The following PTP4A1 variants were observed in gnomAD, a reference collection of about 807,000 sequenced individuals.
The protein encoded by PTP4A1 is protein tyrosine phosphatase type IVA 1.
In PTP4A1, 9 loss-of-function variants were observed where a neutral mutation model predicts 20.5. That is an observed-to-expected ratio of 0.44 (90% CI 0.26 to 0.77). The LOEUF is 0.77. Among genes scored for constraint, PTP4A1 ranks in the 30% least tolerant of loss-of-function variants. The pLI, the probability that PTP4A1 is intolerant of heterozygous loss-of-function variation, is 0.19. For synonymous variants in PTP4A1, 78 were observed against 67.4 expected, an observed-to-expected ratio of 1.16 and a Z score of -0.77; for missense variants, 137 against 218.8, an observed-to-expected ratio of 0.63 and a Z score of 2.36.
At chr6:63,555,612 G>A (rs1384614477) in intron 3 of PTP4A1, among the ~76,000 whole-genome samples, 1 of 151,028 alleles carries the variant, frequency 6.6e-6, no homozygotes, top group African/African-American at 2.5e-5. Context: ...TATCAGCTTT[G>A]TATTACCAAA....
At chr6:63,560,092 A>G (rs1467913055) in intron 3 of PTP4A1, among the ~76,000 whole-genome samples, 1 of 152,208 alleles carries the variant, frequency 6.6e-6, no homozygotes, top group East Asian at 1.9e-4. Context: ...TTCATCATTT[A>G]CAATAGTGCC....
At position 63,574,877 on chromosome 6, in the gene PTP4A1, G is replaced by A. The variant is rs545488209; in HGVS notation, c.-445-1559G>A. On this transcript the variant is annotated intron_variant, in intron 1 of 5. Transcript: ENST00000626021. The stretch of plus-strand genomic sequence containing the variant: ...AATCTGTATTCACTGTAACTGTGAT[G>A]GCTTTGTAATTTAGACACTTAATTT... 3.9e-5 allele frequency among the ~76,000 whole-genome samples: 6 copies of A among 152,278 alleles called. No individual in the cohort carries two copies. In the South Asian group the frequency reaches 1.0e-3, roughly 26 times the overall value.
rs1477793473 is a variant in PTP4A1 at position 63,583,390 on chromosome 6, C to T, written c.*3216C>T. On this transcript the variant is annotated 3_prime_UTR_variant, in exon 6 of 6. Coordinates refer to ENST00000626021, the MANE Select transcript of PTP4A1 (RefSeq NM_003463.5). ...TGGTTTAAAAGTGGTTTAAAAGTGA[C>T]ATTTAATGTTTCTCCATTACGTTTG... 1.3e-5 allele frequency: 2 copies of T among 152,126 alleles called. No individual in the cohort carries two copies. The highest frequency in any genetic ancestry group is 2.9e-5 in the Non-Finnish European group (2 of 68,022). 9.4% of individuals were successfully genotyped at this position (152,126 alleles called of 1,614,324 possible).
At chr6:63,579,054 T>G in intron 4 of PTP4A1, 26 bp downstream of exon 4, 1 of 1,548,720 alleles carries the variant, frequency 6.5e-7, no homozygotes, top group African/African-American at 1.4e-5. Context: ...AATTTGATTC[T>G]AGGTAAAAAT....
chr6:63,551,248 T>C (rs1350562045), intron 3 of PTP4A1, among the ~76,000 whole-genome samples: 1 of 151,790 alleles, frequency 6.6e-6, no homozygotes, highest in Non-Finnish European at 1.5e-5. Flanking sequence ...GTATTTTTAG[T>C]AGAGACGGAG....
intron 2 of PTP4A1, among the ~76,000 whole-genome samples, chr6:63,536,922 G>C (rs1775754608): frequency 6.6e-6 from 1 of 152,076 alleles, no homozygotes; most frequent in Non-Finnish European, 1.5e-5. Flanking sequence ...AAAGCTCTAT[G>C]ACTTAATTCT....
intron 1 of PTP4A1, among the ~76,000 whole-genome samples, chr6:63,524,454 C>T (rs961601756): frequency 6.6e-6 from 1 of 151,954 alleles, no homozygotes; most frequent in Non-Finnish European, 1.5e-5. Flanking sequence ...CTTTATTATA[C>T]CTTGAGTTTA....
upstream of PTP4A1, among the ~76,000 whole-genome samples, chr6:63,519,420 A>G (rs933376435): frequency 2.6e-5 from 4 of 152,184 alleles, no homozygotes; most frequent in Non-Finnish European, 2.9e-5. Context: ...CTCTTTTCAT[A>G]GCTTTTTGGA....
At chr6:63,572,790 T>C in intron 1 of PTP4A1, 71 bp downstream of exon 1, 1 of 397,838 alleles carries the variant, frequency 2.5e-6, no homozygotes, top group Non-Finnish European at 4.4e-6. Flanking sequence ...CGCTGTCGCC[T>C]TTGTTCGGAG....
intron 2 of PTP4A1, 152 bp from the exon 3 acceptor site, chr6:63,578,285 C>T: frequency 2.1e-6 from 2 of 947,144 alleles, no homozygotes; most frequent in Non-Finnish European, 2.8e-6. Context: ...ACAAAATTTG[C>T]TTTTGTGTTA....
In PTP4A1 at chr6:63,572,597, C is replaced by T; in HGVS notation, c.-568C>T. ...CCCGCCGCCGCCTGCATCGCCGCCA[C>T]CGCCGCTCCGCCACGACCACCGCCG... On this transcript the variant is annotated 5_prime_UTR_variant, in exon 1 of 6. Coordinates refer to ENST00000626021, the MANE Select transcript of PTP4A1 (RefSeq NM_003463.5). The T allele has an allele frequency of 2.4e-6, 1 of 418,982 alleles. No individual in the cohort carries two copies. The highest frequency in any genetic ancestry group is 1.1e-4 in the South Asian group (1 of 9,518). The allele number at this position is 418,982 out of a possible 1,614,324, so 26.0% of individuals were successfully genotyped here.
intron 3 of PTP4A1, among the ~76,000 whole-genome samples, chr6:63,555,590 C>T (rs1776644203): frequency 6.6e-6 from 1 of 152,118 alleles, no homozygotes; most frequent in Non-Finnish European, 1.5e-5. Context: ...GATTTTGTCT[C>T]ACTGCATGAC....
At chr6:63,549,300 A>T in intron 2 of PTP4A1, 1 of 754,204 alleles carries the variant, frequency 1.3e-6, no homozygotes, top group South Asian at 1.4e-5. Context: ...CCACTTACAG[A>T]GGATGGCTCT....
intron 3 of PTP4A1, among the ~76,000 whole-genome samples, chr6:63,554,769 A>G (rs1039096703): frequency 9.9e-5 from 15 of 152,194 alleles, no homozygotes; most frequent in African/African-American, 3.6e-4. Flanking sequence ...CCTGGGTGAC[A>G]GAGTGAAAGT....
At chr6:63,536,126 G>C (rs1449639748) in intron 2 of PTP4A1, among the ~76,000 whole-genome samples, 1 of 151,942 alleles carries the variant, frequency 6.6e-6, no homozygotes, top group East Asian at 2.0e-4. Flanking sequence ...GAGGCCAACA[G>C]TTCCAGACCA....
intron 3 of PTP4A1, among the ~76,000 whole-genome samples, chr6:63,557,177 A>G (rs1776726736): frequency 6.6e-6 from 1 of 152,218 alleles, no homozygotes; most frequent in African/African-American, 2.4e-5. Flanking sequence ...TCATCATGGG[A>G]TGAATGCTGC....
chr6:63,571,867 G>C (rs1777444136), upstream of PTP4A1: 1 of 152,168 alleles, frequency 6.6e-6, no homozygotes, highest in Non-Finnish European at 1.5e-5. Flanking sequence ...GCTTGAAAGC[G>C]CCCCCAGGGA....
intron 3 of PTP4A1, among the ~76,000 whole-genome samples, chr6:63,560,971 T>A (rs538912584): frequency 6.6e-6 from 1 of 152,334 alleles, no homozygotes; most frequent in African/African-American, 2.4e-5. Flanking sequence ...TCACTTTTAC[T>A]AAACTCATGG....
At chr6:63,551,493 T>C (rs916887174) in intron 3 of PTP4A1, among the ~76,000 whole-genome samples, 6 of 152,218 alleles carry the variant, frequency 3.9e-5, no homozygotes, top group Non-Finnish European at 8.8e-5. Flanking sequence ...TTTTTTCCTA[T>C]GTACAAATAT....
Sources: gnomAD v4.1 joint callset for allele counts (sites outside exome capture counted in the v4.1 genomes callset) on GRCh38, gnomAD v4.1.1 for gene constraint, MANE v1.5 for transcripts, NCBI Gene and HGNC (gene_info 2026-07-23, HGNC 2026-07-21) for gene names.